The following PIAS1 variants were observed in gnomAD, a reference collection of about 807,000 sequenced individuals.
The protein encoded by PIAS1 is protein inhibitor of activated STAT 1.
A neutral mutation model predicts 71.3 loss-of-function variants in PIAS1; 6 were observed. The observed-to-expected ratio is 0.08, with a 90% CI of 0.05 to 0.17. The LOEUF (loss-of-function observed/expected upper bound fraction) is 0.17. Among genes scored for constraint, PIAS1 ranks in the 10% least tolerant of loss-of-function variants. PIAS1 has a pLI of 1.00. For synonymous variants in PIAS1, 303 were observed against 292.9 expected (o/e 1.03, Z -0.35); for missense variants, 555 against 793.6 (o/e 0.70, Z 3.61).
At chr15:68,082,112 A>G (rs778396874) in intron 1 of PIAS1, among the ~76,000 whole-genome samples, 2 of 152,144 alleles carry the variant, frequency 1.3e-5, no homozygotes, top group African/African-American at 2.4e-5. Flanking sequence ...CCTGCCCAGC[A>G]CTCTGTACTG....
At chr15:68,134,295 A>C (rs62004787) in intron 2 of PIAS1, among the ~76,000 whole-genome samples, 1 of 21,534 alleles carries the variant, frequency 4.6e-5, no homozygotes, top group Admixed American at 3.7e-4. Flanking sequence ...GGCTCCTCAC[A>C]TCCCAGTAGG....
chr15:68,135,220 G>A (rs2092720100), intron 2 of PIAS1, among the ~76,000 whole-genome samples: 1 of 44,202 alleles, frequency 2.3e-5, no homozygotes, highest in African/African-American at 4.9e-5. Context: ...CTCCCGGAAG[G>A]GGTGGCTGGC....
intron 1 of PIAS1, among the ~76,000 whole-genome samples, chr15:68,070,536 T>C (rs890814443): frequency 6.6e-6 from 1 of 152,126 alleles, no homozygotes; most frequent in Non-Finnish European, 1.5e-5. Context: ...CTTCAGTGAA[T>C]GACAGGATGA....
chr15:68,087,187 G>C (rs760888372), intron 2 of PIAS1, among the ~76,000 whole-genome samples: 1 of 152,084 alleles, frequency 6.6e-6, no homozygotes, highest in Non-Finnish European at 1.5e-5. Flanking sequence ...AAGGAGACTT[G>C]AGCTTTGATG....
chr15:68,168,791 C>T (rs1282640716), intron 8 of PIAS1, among the ~76,000 whole-genome samples: 1 of 152,012 alleles, frequency 6.6e-6, no homozygotes, highest in Non-Finnish European at 1.5e-5. Context: ...TTTCACATAC[C>T]CATTTATGTC....
chr15:68,176,230 G>A (rs929127772), intron 10 of PIAS1, among the ~76,000 whole-genome samples: 8 of 152,054 alleles, frequency 5.3e-5, no homozygotes, highest in African/African-American at 1.9e-4. Flanking sequence ...CTTTTCTTCT[G>A]AAGTGGACAT....
At chr15:68,124,996 G>C (rs561320258) in intron 2 of PIAS1, among the ~76,000 whole-genome samples, 161 of 152,124 alleles carry the variant, frequency 1.1e-3, no homozygotes, top group Non-Finnish European at 2.0e-3. Flanking sequence ...CGTATAATCT[G>C]TTTGTCGCCC....
chr15:68,085,030 C>T (rs2092266665), intron 1 of PIAS1, among the ~76,000 whole-genome samples: 1 of 152,020 alleles, frequency 6.6e-6, no homozygotes, highest in Admixed American at 6.6e-5. Context: ...ATACTTTTCT[C>T]CTCAGTATTT....
intron 1 of PIAS1, chr15:68,056,022 AT>A (rs2091892398): frequency 1.5e-6 from 1 of 652,544 alleles, no homozygotes; most frequent in Non-Finnish European, 2.8e-6. Context: ...GTTTCAAACT[AT>A]TGACTGAAAT....
At chr15:68,183,698 AT>A in intron 13 of PIAS1, 31 bp downstream of exon 13, 2 of 848,722 alleles carry the variant, frequency 2.4e-6, no homozygotes, top group Non-Finnish European at 3.8e-6. Context: ...TATTATTTTA[AT>A]TGTACATTAA....
chr15:68,130,131 AC>A (rs1345755487), intron 2 of PIAS1, among the ~76,000 whole-genome samples: 1 of 152,060 alleles, frequency 6.6e-6, no homozygotes, highest in Non-Finnish European at 1.5e-5. Context: ...TATTTCATAT[AC>A]CCCATAAATA....
At chr15:68,147,994 A>G (rs866518775) in intron 6 of PIAS1, among the ~76,000 whole-genome samples, 13 of 152,282 alleles carry the variant, frequency 8.5e-5, no homozygotes, top group Middle Eastern at 3.4e-3. Context: ...GTCATCTACT[A>G]TACTCAAAAC....
At position 68,086,599 on chromosome 15, in the gene PIAS1, G is replaced by A. The variant is rs145053928; in HGVS notation, c.318G>A (p.Ser106=). The part of the protein sequence containing the change: ...QLTYDGHPAS[S]PLLPVSLLGP... ...CTTACGATGGTCACCCTGCATCATC[G>A]CCATTACTCCCTGTTTCTCTTCTGG... The change falls in exon 2 of 14, where the codon TCG becomes TCA. Residue 106 remains serine, a synonymous_variant. Coordinates refer to ENST00000249636, the MANE Select transcript of PIAS1 (RefSeq NM_016166.3). The surrounding 1 kb of genome is among the most constrained non-coding windows in gnomAD (Gnocchi z 7.2). 825 of 1,613,770 alleles carry A rather than the reference G, an allele frequency of 5.1e-4. 9 individuals are homozygous for A. In the East Asian group the frequency reaches 0.015, roughly 29 times the overall value.
At chr15:68,147,618 C>T (rs528564663) in intron 6 of PIAS1, among the ~76,000 whole-genome samples, 10 of 152,120 alleles carry the variant, frequency 6.6e-5, no homozygotes, top group Admixed American at 3.3e-4. Context: ...AGTCTTTTCT[C>T]GTCTCCATCA....
At chr15:68,184,265 C>T (rs1011464153) in intron 13 of PIAS1, 7 of 152,274 alleles carry the variant, frequency 4.6e-5, no homozygotes, top group East Asian at 1.9e-4. Context: ...ATAGTTATTG[C>T]TCACCAGTCA....
At chr15:68,091,399 C>T (rs1022901810) in intron 2 of PIAS1, among the ~76,000 whole-genome samples, 10 of 151,878 alleles carry the variant, frequency 6.6e-5, no homozygotes, top group Middle Eastern at 3.2e-3. Flanking sequence ...AATAATAGTT[C>T]TTTAGGATAC....
At chr15:68,123,574 T>C (rs947231050) in intron 2 of PIAS1, among the ~76,000 whole-genome samples, 2 of 152,158 alleles carry the variant, frequency 1.3e-5, no homozygotes, top group African/African-American at 4.8e-5. Context: ...AAGTGCCTTA[T>C]ATATAAAAAA....
At chr15:68,116,414 A>G (rs750204789) in intron 2 of PIAS1, among the ~76,000 whole-genome samples, 4 of 152,088 alleles carry the variant, frequency 2.6e-5, no homozygotes, top group Non-Finnish European at 4.4e-5. Context: ...TCACATCCAT[A>G]GAATATGTAG....
In PIAS1 at chr15:68,193,529, CATCTTGGAAA is replaced by C. The variant is rs1356461365; in HGVS notation, c.*5705_*5714del. 5 of 153,586 alleles carry C rather than the reference CATCTTGGAAA, an allele frequency of 3.3e-5. No homozygotes were observed. The highest frequency in any genetic ancestry group is 2.0e-4 in the South Asian group (1 of 4,922). The allele number at this position is 153,586 out of a possible 1,614,324, so 9.5% of individuals were successfully genotyped here. A position where few individuals can be genotyped will look rare whatever the true frequency, so the allele number is the denominator to read the frequency against. Reference sequence around the variant, plus strand: ...GCTGCTTCTCAGCTAGCACTGGCTTCATCTTGGAAAATCTTGGAAATATGGAAGATGGTTC... The same window carrying C: ...GCTGCTTCTCAGCTAGCACTGGCTTCATCTTGGAAATATGGAAGATGGTTC... On this transcript the variant is annotated 3_prime_UTR_variant, in exon 14 of 14. Transcript: ENST00000249636.
Sources: allele counts gnomAD v4.1 joint callset (sites outside exome capture counted in the v4.1 genomes callset), GRCh38; gene constraint gnomAD v4.1.1; non-coding constraint Gnocchi (gnomAD v3.1); transcripts MANE v1.5; gene names NCBI Gene and HGNC (gene_info 2026-07-23, HGNC 2026-07-21).